The following ARIH2 variants were observed in gnomAD, a reference collection of about 807,000 sequenced individuals.
ARIH2 encodes the protein ariadne RBR E3 ubiquitin protein ligase 2, also known as E3 ubiquitin-protein ligase ARIH2.
A neutral mutation model predicts 79.8 loss-of-function variants in ARIH2; 12 were observed. The observed-to-expected ratio is 0.15, with a 90% confidence interval of 0.10 to 0.24. The LOEUF (loss-of-function observed/expected upper bound fraction) is 0.24. Ranked by LOEUF, ARIH2 falls within the 10% of genes least tolerant of loss-of-function variation. ARIH2 has a pLI of 1.00. For synonymous variants in ARIH2, 224 were observed against 213.9 expected, an observed-to-expected ratio of 1.05 and a Z score of -0.41; for missense variants, 301 against 618.3, an observed-to-expected ratio of 0.49 and a Z score of 5.44.
At chr3:48,967,901 C>G (rs1182453559) in intron 6 of ARIH2, among the ~76,000 whole-genome samples, 1 of 152,156 alleles carries the variant, frequency 6.6e-6, no homozygotes, top group African/African-American at 2.4e-5. Flanking sequence ...TTTCTCTCTT[C>G]TCTTTGAATA....
rs1343103657 is a variant in ARIH2, at chr3:48,974,812, C to T, written c.889-5C>T. 1 of 1,612,998 alleles carries T rather than the reference C, an allele frequency of 6.2e-7. No homozygotes were observed. On this transcript the variant is annotated splice_polypyrimidine_tract_variant and splice_region_variant and intron_variant, in intron 9 of 15. Transcript: ENST00000356401. The stretch of plus-strand genomic sequence containing the variant: ...GAGCCTAATGGCACCCTTCTGTCTC[C>T]TCAGTGTCCCAAGTGCAACATCTGC...
intron 1 of ARIH2, chr3:48,921,615 G>C (rs562768263): frequency 4.7e-4 from 71 of 151,348 alleles, no homozygotes; most frequent in African/African-American, 1.6e-3. Flanking sequence ...TGTGTTTTTT[G>C]TAGCAGTGAG....
At chr3:48,973,535 C>T in intron 8 of ARIH2, 164 bp from the exon 9 acceptor site, 1 of 514,684 alleles carries the variant, frequency 1.9e-6, no homozygotes, top group Non-Finnish European at 3.5e-6. Context: ...CGAGATCACG[C>T]CACTACACTC....
rs1002510809 is a variant in ARIH2, at chr3:48,985,785, G to A, written c.*2515G>A. On this transcript the variant is annotated 3_prime_UTR_variant, in exon 16 of 16. Coordinates refer to ENST00000356401, the MANE Select transcript of ARIH2 (RefSeq NM_006321.4). ...CAGTTTTCCGCTCTCCTCTCCCTCA[G>A]TACAGGCTGAATCATTCCCCACCAC... The A allele has an allele frequency of 1.3e-5, 2 of 152,204 alleles. No individual in the cohort carries two copies. The highest frequency in any genetic ancestry group is 4.8e-5 in the African/African-American group (2 of 41,414). The allele number at this position is 152,204 out of a possible 1,614,324, so 9.4% of individuals were successfully genotyped here. A position where few individuals can be genotyped will look rare whatever the true frequency, so the allele number is the denominator to read the frequency against.
chr3:48,927,478 T>C lies in ARIH2; in HGVS notation c.-81T>C. 6.6e-7 allele frequency: 1 copy of C among 1,517,228 alleles called. No individual in the cohort carries two copies. Among genetic ancestry groups the C allele is most frequent in the Non-Finnish European group, 8.9e-7 (1 of 1,125,610 alleles). The allele number at this position is 1,517,228 out of a possible 1,614,324, so 94.0% of individuals were successfully genotyped here. ...CTCCCTTAGAAGACAAAAATACTAA[T>C]GCATTTGAGAAAGCGGTAGTTTTGG... On this transcript the variant is annotated 5_prime_UTR_variant, in exon 3 of 16. An upstream start codon of the reference 5' UTR is lost. Transcript: ENST00000356401.
At chr3:48,942,207 C>G (rs922100548) in intron 3 of ARIH2, among the ~76,000 whole-genome samples, 2 of 151,952 alleles carry the variant, frequency 1.3e-5, no homozygotes, top group Non-Finnish European at 2.9e-5. Flanking sequence ...CCCGCCACCA[C>G]GCCCAGGTAA....
intron 5 of ARIH2, among the ~76,000 whole-genome samples, chr3:48,965,350 ACT>A (rs2091681709): frequency 2.0e-5 from 3 of 151,410 alleles, no homozygotes; most frequent in African/African-American, 7.3e-5. Flanking sequence ...ACAGAGCGAG[ACT>A]CTGTCTCAAA....
intron 2 of ARIH2, chr3:48,926,948 C>G (rs139082196): frequency 2.0e-5 from 3 of 153,298 alleles, no homozygotes; most frequent in Non-Finnish European, 2.9e-5. Flanking sequence ...CAACTATGCA[C>G]CTATTTTTCA....
intron 3 of ARIH2, among the ~76,000 whole-genome samples, chr3:48,939,000 G>A (rs185147739): frequency 1.1e-4 from 16 of 149,360 alleles, no homozygotes; most frequent in Non-Finnish European, 2.2e-4. Context: ...ACAGAGTGTT[G>A]CTCGTCCCCC....
At chr3:48,943,404 T>A (rs901797128) in intron 3 of ARIH2, 1 of 152,162 alleles carries the variant, frequency 6.6e-6, no homozygotes, top group Non-Finnish European at 1.5e-5. Context: ...TCCCTGTGCA[T>A]TCCTGAGGGC....
chr3:48,942,404 A>G (rs2088437228), intron 3 of ARIH2, among the ~76,000 whole-genome samples: 1 of 151,978 alleles, frequency 6.6e-6, no homozygotes, highest in South Asian at 2.1e-4. Context: ...TTTAATAATT[A>G]TTTCCCAGTA....
chr3:48,939,249 C>T (rs1207866164), intron 3 of ARIH2, among the ~76,000 whole-genome samples: 4 of 151,514 alleles, frequency 2.6e-5, no homozygotes, highest in Non-Finnish European at 4.4e-5. Flanking sequence ...ATTACGGGGG[C>T]GCCTGGCCAA....
intron 3 of ARIH2, among the ~76,000 whole-genome samples, chr3:48,940,806 A>ATATATAT (rs1462537614): frequency 1.4e-4 from 12 of 87,142 alleles, no homozygotes; most frequent in African/African-American, 2.7e-4. Context: ...AAAAAAAAAA[A>ATATATAT]AAATATATAT....
At position 48,967,217 on chromosome 3, in the gene ARIH2, T is replaced by C; in HGVS notation, c.480T>C (p.Phe160=). The change falls in exon 6 of 16, where the codon TTT becomes TTC. Residue 160 remains phenylalanine (F), a synonymous_variant. Coordinates refer to ENST00000356401, the MANE Select transcript of ARIH2 (RefSeq NM_006321.4). ...TCTCTCTGGCCTGTCAGCACCAGTT[T>C]TGCCGCAGCTGCTGGGAGCAGCACT... is the stretch of plus-strand genomic sequence containing the variant. The part of the protein sequence containing the change: ...NLLSLACQHQ[F]CRSCWEQHCS... 6.2e-7 allele frequency: 1 copy of C among 1,614,250 alleles called. No homozygotes were observed. The highest frequency in any genetic ancestry group is 8.5e-7 in the Non-Finnish European group (1 of 1,180,048).
intron 3 of ARIH2, among the ~76,000 whole-genome samples, chr3:48,942,010 C>T (rs1048015213): frequency 2.0e-4 from 30 of 151,340 alleles, no homozygotes; most frequent in African/African-American, 1.9e-4. Context: ...CTCAGCCTCC[C>T]GAGTAGCTGG....
rs151134276 is a variant in ARIH2 at position 48,981,845 on chromosome 3, C to T, written c.1326+117C>T. The T allele has an allele frequency of 7.3e-5, 55 of 754,506 alleles. No individual in the cohort carries two copies. The African/African-American group carries it at 9.1e-4, about 12-fold the overall frequency. 46.7% of individuals were successfully genotyped at this position (754,506 alleles called of 1,614,324 possible). A position where few individuals can be genotyped will look rare whatever the true frequency, so the allele number is the denominator to read the frequency against. The stretch of plus-strand genomic sequence containing the variant: ...GGTCATTGGGAGGGCAAAGTTAAAA[C>T]AAAACTCTAATTGCAAAATTCCACT... On this transcript the variant is annotated intron_variant, in intron 14 of 15. Coordinates refer to ENST00000356401, the MANE Select transcript of ARIH2 (RefSeq NM_006321.4).
At chr3:48,929,187 C>G (rs548743409) in intron 3 of ARIH2, among the ~76,000 whole-genome samples, 2 of 152,274 alleles carry the variant, frequency 1.3e-5, no homozygotes, top group South Asian at 4.1e-4. Context: ...TAACCATGCT[C>G]TGGACAGTGT....
At chr3:48,945,196 G>C in intron 3 of ARIH2, 3 of 1,289,712 alleles carry the variant, frequency 2.3e-6, no homozygotes, top group Non-Finnish European at 3.0e-6. Context: ...GTGTGGGAAG[G>C]GCTGGTGACA....
chr3:48,965,517 C>T (rs1012370758), intron 5 of ARIH2, among the ~76,000 whole-genome samples: 9 of 152,172 alleles, frequency 5.9e-5, no homozygotes, highest in Non-Finnish European at 1.3e-4. Flanking sequence ...GCCCCACTTT[C>T]CTCTCTGCAC....
Sources: allele counts gnomAD v4.1 joint callset (sites outside exome capture counted in the v4.1 genomes callset), GRCh38; gene constraint gnomAD v4.1.1; transcripts MANE v1.5; gene names NCBI Gene and HGNC (gene_info 2026-07-23, HGNC 2026-07-21).